TMEM132D: variants seen among roughly 807,000 people sequenced by gnomAD.
The protein encoded by TMEM132D is transmembrane protein 132D.
Under a neutral mutation model 62.3 loss-of-function variants are expected in TMEM132D, and 21 were observed. That is an observed-to-expected ratio of 0.34 (90% CI 0.24 to 0.49). The LOEUF is 0.49. TMEM132D is among the 20% of genes least tolerant of loss of function. TMEM132D has a pLI of 0.99. For synonymous variants in TMEM132D, 621 were observed against 575.6 expected, an observed-to-expected ratio of 1.08 and a Z score of -1.13; for missense variants, 1,346 against 1,402.8, an observed-to-expected ratio of 0.96 and a Z score of 0.65.
chr12:129,149,348 A>G (rs1877006412), intron 5 of TMEM132D, among the ~76,000 whole-genome samples: 1 of 152,138 alleles, frequency 6.6e-6, no homozygotes, highest in Admixed American at 6.5e-5. Flanking sequence ...CACTTACGTA[A>G]AAAACCTGCA....
At chr12:129,669,168 T>G (rs551096873) in intron 2 of TMEM132D, among the ~76,000 whole-genome samples, 2 of 152,300 alleles carry the variant, frequency 1.3e-5, no homozygotes, top group East Asian at 3.9e-4. Flanking sequence ...CTACATTTTA[T>G]GTAAATAATC....
At chr12:129,415,937 C>T (rs1272667326) in intron 3 of TMEM132D, among the ~76,000 whole-genome samples, 2 of 152,208 alleles carry the variant, frequency 1.3e-5, no homozygotes, top group Non-Finnish European at 2.9e-5. Context: ...CTTAGAGACA[C>T]ATTCTGCTCG....
intron 2 of TMEM132D, among the ~76,000 whole-genome samples, chr12:129,533,415 T>G (rs1289377052): frequency 6.6e-6 from 1 of 152,264 alleles, no homozygotes; most frequent in Non-Finnish European, 1.5e-5. Context: ...ACTATTATAC[T>G]AAGATGAATT....
chr12:129,511,606 C>T (rs1332220013), intron 3 of TMEM132D, among the ~76,000 whole-genome samples: 1 of 152,182 alleles, frequency 6.6e-6, no homozygotes, highest in African/African-American at 2.4e-5. Context: ...GGAGTCTTTT[C>T]ATGTGCCTAT....
At chr12:129,818,558 G>A (rs1565996829) in intron 1 of TMEM132D, among the ~76,000 whole-genome samples, 1 of 146,334 alleles carries the variant, frequency 6.8e-6, no homozygotes, top group Non-Finnish European at 1.5e-5. Context: ...GTGTGGTGAG[G>A]TGTATGTGTG....
rs2135601125 is a variant in TMEM132D at position 129,073,846 on chromosome 12, G to A, written c.*29C>T. On this transcript the variant is annotated 3_prime_UTR_variant, in exon 9 of 9. Coordinates refer to ENST00000422113, the MANE Select transcript of TMEM132D (RefSeq NM_133448.3). The stretch of plus-strand genomic sequence containing the variant: ...CCTGGAATTAAAGGCTGAAAGGTGA[G>A]TGAGAACCAATGTCTGTGTGTGTCT... The A allele has an allele frequency of 6.6e-7, 1 of 1,506,656 alleles. No individual in the cohort carries two copies. The highest frequency in any genetic ancestry group is 8.9e-7 in the Non-Finnish European group (1 of 1,124,982). 93.3% of individuals were successfully genotyped at this position (1,506,656 alleles called of 1,614,324 possible).
chr12:129,422,910 T>C (rs1872373314), intron 3 of TMEM132D, among the ~76,000 whole-genome samples: 1 of 149,336 alleles, frequency 6.7e-6, no homozygotes, highest in African/African-American at 2.4e-5. Flanking sequence ...ATACGTATTA[T>C]GTATACATAC....
At chr12:129,113,699 G>GGA (rs1875797393) in intron 5 of TMEM132D, among the ~76,000 whole-genome samples, 1 of 151,974 alleles carries the variant, frequency 6.6e-6, no homozygotes, top group South Asian at 2.1e-4. Flanking sequence ...AGACCAGAAA[G>GGA]GAGACAGGAA....
chr12:129,253,380 C>T (rs1382322549), intron 4 of TMEM132D, among the ~76,000 whole-genome samples: 1 of 151,976 alleles, frequency 6.6e-6, no homozygotes, highest in Non-Finnish European at 1.5e-5. Context: ...GCGCACCCCA[C>T]CCAAAGCCTG....
In TMEM132D at chr12:129,829,840, C is replaced by G. The variant is rs746697633; in HGVS notation, c.79+73421G>C. 4.4e-4 allele frequency among the ~76,000 whole-genome samples: 67 copies of G among 152,194 alleles called. 1 individual carries two copies. Among genetic ancestry groups the G allele is most frequent in the Middle Eastern group, 6.8e-3 (2 of 292 alleles). ...AATAAGGGTGTCTTTTCTGAGAAACCCAGAGCTTTTACCATCAATTAGAAC... is the reference window on the plus strand; with the variant it reads ...AATAAGGGTGTCTTTTCTGAGAAACGCAGAGCTTTTACCATCAATTAGAAC... On this transcript the variant is annotated intron_variant, in intron 1 of 8. Coordinates refer to ENST00000422113, the MANE Select transcript of TMEM132D (RefSeq NM_133448.3).
intron 2 of TMEM132D, among the ~76,000 whole-genome samples, chr12:129,551,769 G>A (rs922030611): frequency 6.6e-6 from 1 of 152,140 alleles, no homozygotes; most frequent in Non-Finnish European, 1.5e-5. Flanking sequence ...ATAGAGTTGG[G>A]AACCTCTGCT....
At chr12:129,618,527 T>C (rs1272126986) in intron 2 of TMEM132D, among the ~76,000 whole-genome samples, 1 of 152,224 alleles carries the variant, frequency 6.6e-6, no homozygotes, top group Non-Finnish European at 1.5e-5. Context: ...CTTTGTAGAC[T>C]ATATGTTCTC....
intron 1 of TMEM132D, among the ~76,000 whole-genome samples, chr12:129,868,366 C>T (rs1214798984): frequency 6.6e-6 from 1 of 152,162 alleles, no homozygotes; most frequent in Non-Finnish European, 1.5e-5. Context: ...TTATGATATG[C>T]TAATTATACC....
chr12:129,490,423 C>CTTTTTTTTTT (rs11311745), intron 3 of TMEM132D, among the ~76,000 whole-genome samples: 1 of 58,552 alleles, frequency 1.7e-5, no homozygotes, highest in Non-Finnish European at 2.9e-5. Flanking sequence ...ATTTCCTTTC[C>CTTTTTTTTTT]TTTTTTTTTT....
intron 2 of TMEM132D, among the ~76,000 whole-genome samples, chr12:129,605,604 T>TATATATATACACACACAC (rs150550863): frequency 6.6e-5 from 7 of 106,302 alleles, no homozygotes; most frequent in Admixed American, 9.3e-5. Flanking sequence ...TATATATATA[T>TATATATATACACACACAC]ACACACACAT....
At chr12:129,842,249 G>T (rs540309830) in intron 1 of TMEM132D, among the ~76,000 whole-genome samples, 28 of 151,812 alleles carry the variant, frequency 1.8e-4, no homozygotes, top group Admixed American at 1.6e-3. Context: ...CGCCCGGCCA[G>T]CACTCCTGTG....
At position 129,524,079 on chromosome 12, in the gene TMEM132D, C is replaced by T. The variant is rs370958121; in HGVS notation, c.1115+6980G>A. 6.1e-3 allele frequency among the ~76,000 whole-genome samples: 894 copies of T among 146,074 alleles called. 33 individuals carry two copies. The South Asian group carries it at 0.099, about 16-fold the overall frequency. On this transcript the variant is annotated intron_variant, in intron 3 of 8. Coordinates refer to ENST00000422113, the MANE Select transcript of TMEM132D (RefSeq NM_133448.3). ...GGGAACATCACACACCGGGGCCTGT[C>T]GTGGGGTGGGGGGAGTGGGGAGGGA...
chr12:129,712,817 G>A (rs1424058273), intron 1 of TMEM132D, among the ~76,000 whole-genome samples: 1 of 152,140 alleles, frequency 6.6e-6, no homozygotes, highest in Non-Finnish European at 1.5e-5. Flanking sequence ...CCTTCCTGCT[G>A]TGTAGGAAGC....
intron 3 of TMEM132D, among the ~76,000 whole-genome samples, chr12:129,354,401 G>A (rs889337789): frequency 6.6e-6 from 1 of 151,764 alleles, no homozygotes; most frequent in African/African-American, 2.4e-5. Context: ...TTAGCTTACT[G>A]CAACCTCCAC....
Sources: gnomAD v4.1 joint callset for allele counts (sites outside exome capture counted in the v4.1 genomes callset) on GRCh38, gnomAD v4.1.1 for gene constraint, MANE v1.5 for transcripts, NCBI Gene and HGNC (gene_info 2026-07-23, HGNC 2026-07-21) for gene names.